The following RIPK1 variants were observed in gnomAD, a reference collection of about 807,000 sequenced individuals.
RIPK1 encodes the protein receptor interacting serine/threonine kinase 1.
Under a neutral mutation model 62.4 loss-of-function variants are expected in RIPK1, and 27 were observed. The ratio of observed to expected loss-of-function variants is 0.43; its 90% CI spans 0.32 to 0.60. The LOEUF is 0.60. RIPK1 is among the 20% of genes least tolerant of loss of function. The pLI is 0.07. For missense variants in RIPK1, 735 were observed against 831.0 expected (o/e 0.88, Z 1.42); for synonymous variants, 287 against 303.2 (o/e 0.95, Z 0.55).
At chr6:3,066,875 T>G (rs1758401578), upstream of RIPK1, among the ~76,000 whole-genome samples, 1 of 152,168 alleles carries the variant, frequency 6.6e-6, no homozygotes, top group Non-Finnish European at 1.5e-5. Flanking sequence ...TAAAAATCCC[T>G]TGTGCCTCAC....
intron 3 of RIPK1, among the ~76,000 whole-genome samples, 170 bp from the exon 4 acceptor site, chr6:3,080,809 G>A (rs1038563696): frequency 2.8e-5 from 4 of 140,648 alleles, no homozygotes; most frequent in East Asian, 2.4e-4. Context: ...GCCCCCCCCC[G>A]AATGAAATCT....
At chr6:3,104,706 A>G (rs1760749426) in intron 8 of RIPK1, among the ~76,000 whole-genome samples, 1 of 152,172 alleles carries the variant, frequency 6.6e-6, no homozygotes. Context: ...GGGATGGCAG[A>G]GTATAGGATA....
At chr6:3,095,490 TAC>T (rs1760241804) in intron 7 of RIPK1, among the ~76,000 whole-genome samples, 1 of 152,178 alleles carries the variant, frequency 6.6e-6, no homozygotes, top group Non-Finnish European at 1.5e-5. Context: ...GAAAATAAGG[TAC>T]AAGAAAGGAA....
chr6:3,104,495 G>A (rs905932844), intron 8 of RIPK1, among the ~76,000 whole-genome samples, 180 bp downstream of exon 8: 1 of 152,120 alleles, frequency 6.6e-6, no homozygotes, highest in Non-Finnish European at 1.5e-5. Flanking sequence ...GAAATATGAA[G>A]TAACAGTGTG....
chr6:3,081,190 G>T, intron 4 of RIPK1, 74 bp downstream of exon 4: 1 of 1,519,352 alleles, frequency 6.6e-7, no homozygotes, highest in Non-Finnish European at 9.0e-7. Flanking sequence ...ATCCATTCTC[G>T]TACATTGGAG....
chr6:3,074,196 A>G (rs141013297), intron 1 of RIPK1, among the ~76,000 whole-genome samples: 2,057 of 152,202 alleles, frequency 0.014, 14 homozygotes, highest in Middle Eastern at 0.027. Context: ...GCCCCTGCCC[A>G]CTCAGCCTCA....
chr6:3,101,602 G>A (rs895106779), intron 7 of RIPK1, among the ~76,000 whole-genome samples: 1 of 114,874 alleles, frequency 8.7e-6, no homozygotes, highest in Non-Finnish European at 1.6e-5. Flanking sequence ...GCAGACAATC[G>A]TTAACAGCAA....
rs1435593284 is a variant in RIPK1, at chr6:3,105,445, C to T, written c.1007-37C>T. On this transcript the variant is annotated intron_variant, in intron 8 of 10. Coordinates refer to ENST00000259808, the MANE Select transcript of RIPK1 (RefSeq NM_001354930.2). The surrounding 1 kb of genome is among the most constrained non-coding windows in gnomAD (Gnocchi z 4.5). Reference sequence around the variant, plus strand: ...GATTTTATTTTACTTTTTAATGTTTCATGACACCCATTCTAATGTTGATCA... The same window carrying T: ...GATTTTATTTTACTTTTTAATGTTTTATGACACCCATTCTAATGTTGATCA... 3.5e-6 allele frequency: 5 copies of T among 1,430,330 alleles called. No individual in the cohort carries two copies. The East Asian group carries it at 6.9e-5, about 20-fold the overall frequency. The allele number at this position is 1,430,330 out of a possible 1,614,324, so 88.6% of individuals were successfully genotyped here. A position where few individuals can be genotyped will look rare whatever the true frequency, so the allele number is the denominator to read the frequency against.
rs2113694242 is a variant in RIPK1, at chr6:3,105,570, C to T, written c.1095C>T (p.His365=). ...EESWFAPSLE[H]PQEENEPSLQ... ...CCTGGTTTGCTCCTTCCCTGGAGCA[C>T]CCACAAGAAGAGAATGAGCCCAGCC... The change falls in exon 9 of 11, where the codon CAC becomes CAT. Residue 365 remains histidine (H), a synonymous_variant. Coordinates refer to ENST00000259808, the MANE Select transcript of RIPK1 (RefSeq NM_001354930.2). This position sits in a 1 kb window ranked among gnomAD's most constrained non-coding sequence, Gnocchi z 4.5. The T allele has an allele frequency of 5.6e-6, 9 of 1,613,452 alleles. No individual in the cohort carries two copies. The highest frequency in any genetic ancestry group is 7.6e-6 in the Non-Finnish European group (9 of 1,179,624).
intron 6 of RIPK1, among the ~76,000 whole-genome samples, chr6:3,087,963 C>A (rs548643511): frequency 6.6e-6 from 1 of 152,252 alleles, no homozygotes; most frequent in African/African-American, 2.4e-5. Context: ...TTAATTGAAT[C>A]GTTTTTATCA....
upstream of RIPK1, among the ~76,000 whole-genome samples, chr6:3,065,202 A>G (rs2113516112): frequency 7.3e-6 from 1 of 136,346 alleles, no homozygotes; most frequent in South Asian, 2.4e-4. Flanking sequence ...GCTTGCAGTG[A>G]GCTGAGATCG....
At chr6:3,112,803 T>C (rs1282270226) in intron 10 of RIPK1, among the ~76,000 whole-genome samples, 1 of 152,116 alleles carries the variant, frequency 6.6e-6, no homozygotes, top group Non-Finnish European at 1.5e-5. Flanking sequence ...CCTCCCAAAG[T>C]GTTGGGATTA....
At chr6:3,098,715 G>A (rs751668942) in intron 7 of RIPK1, among the ~76,000 whole-genome samples, 4 of 152,214 alleles carry the variant, frequency 2.6e-5, no homozygotes, top group Non-Finnish European at 5.9e-5. Context: ...TAATCAAATA[G>A]ATTAATAGAA....
At chr6:3,073,947 G>C (rs1758915830) in intron 1 of RIPK1, among the ~76,000 whole-genome samples, 3 of 152,198 alleles carry the variant, frequency 2.0e-5, no homozygotes, top group African/African-American at 7.2e-5. Flanking sequence ...CCCGTCATCT[G>C]TCCGTCATTG....
In RIPK1 at chr6:3,083,191, C is replaced by A; in HGVS notation, c.566C>A (p.Thr189Asn). The A allele has an allele frequency of 6.2e-7, 1 of 1,614,044 alleles. No individual in the cohort carries two copies. Among genetic ancestry groups the A allele is most frequent in the East Asian group, 2.2e-5 (1 of 44,884 alleles). The change falls in exon 5 of 11, where the codon ACC (threonine) becomes AAC (asparagine). Residue 189 changes from threonine to asparagine, a missense_variant. Physicochemically the swap from Thr to Asn is moderately conservative, Grantham distance 65. Transcript: ENST00000259808. ...GGCACCGCTAAGAAGAATGGCGGCA[C>A]CCTCTACTACATGGCGCCCGAGCAC... ...VDGTAKKNGG[T>N]LYYMAPEHLN... is the part of the protein sequence containing the mutation.
chr6:3,077,674 C>A (rs1370193039), intron 2 of RIPK1, 105 bp from the exon 3 acceptor site: 3 of 1,302,584 alleles, frequency 2.3e-6, no homozygotes, highest in African/African-American at 2.9e-5. Flanking sequence ...TCGGTACAGA[C>A]CCAAGCATGA....
chr6:3,072,944 G>A lies in RIPK1; in HGVS notation c.-60-3820G>A, dbSNP rs1758811171. Among the ~76,000 whole-genome samples the A allele has an allele frequency of 6.6e-6, 1 of 152,052 alleles. No individual in the cohort carries two copies. The highest frequency in any genetic ancestry group is 6.6e-5 in the Admixed American group (1 of 15,266). ...TCCTACCTCATTCTCACTAGGATTGGTCAGTAGGGCCCTGCTGACAGAGTG... is the reference window on the plus strand; with the variant it reads ...TCCTACCTCATTCTCACTAGGATTGATCAGTAGGGCCCTGCTGACAGAGTG... On this transcript the variant is annotated intron_variant, in intron 1 of 10. Transcript: ENST00000259808. The surrounding 1 kb of genome is among the most constrained non-coding windows in gnomAD (Gnocchi z 5.6).
rs555470775 is a variant in RIPK1, at chr6:3,072,318, A to G, written c.-61+3657A>G. 6.6e-6 allele frequency among the ~76,000 whole-genome samples: 1 copy of G among 152,308 alleles called. No individual in the cohort carries two copies. The highest frequency in any genetic ancestry group is 1.5e-5 in the Non-Finnish European group (1 of 68,018). On this transcript the variant is annotated intron_variant, in intron 1 of 10. Transcript: ENST00000259808. This position sits in a 1 kb window ranked among gnomAD's most constrained non-coding sequence, Gnocchi z 5.6. ...AGAAAGTAAAAATCAACCTATCATC[A>G]AGATACAATCCTTGTTAACATTTTG...
In RIPK1 at chr6:3,085,273, C is replaced by T; in HGVS notation, c.703C>T (p.Gln235Ter). The change falls in exon 6 of 11, where the codon CAG becomes TAG. Residue 235 changes from glutamine to a stop codon, truncating the protein, a stop_gained. Coordinates refer to ENST00000259808, the MANE Select transcript of RIPK1 (RefSeq NM_001354930.2). LOFTEE classifies it high-confidence loss of function. The part of the protein sequence containing the change: ...KEPYENAICE[Q>*]QLIMCIKSGN... ...TTGCTTTGTAGATGCTATCTGTGAG[C>T]AGCAGTTGATAATGTGCATAAAATC... The T allele has an allele frequency of 6.2e-7, 1 of 1,614,198 alleles. No homozygotes were observed. Among genetic ancestry groups the T allele is most frequent in the Non-Finnish European group, 8.5e-7 (1 of 1,180,030 alleles).
Sources: gnomAD v4.1 joint callset for allele counts (sites outside exome capture counted in the v4.1 genomes callset) on GRCh38, gnomAD v4.1.1 for gene constraint, Gnocchi (gnomAD v3.1) non-coding constraint, MANE v1.5 for transcripts, NCBI Gene and HGNC (gene_info 2026-07-23, HGNC 2026-07-21) for gene names.